Variants in TAS2R1 observed in about 807,000 individuals in gnomAD.
TAS2R1 encodes the protein taste receptor type 2 member 1.
For missense variants in TAS2R1, 370 were observed against 353.4 expected (o/e 1.05, Z -0.38); for synonymous variants, 141 against 134.2 (o/e 1.05, Z -0.35).
the TAS2R1 span, among the ~76,000 whole-genome samples, chr5:9,900,889 A>G: frequency 1.3e-5 from 2 of 152,040 alleles, no homozygotes; most frequent in African/African-American, 4.8e-5. Context: ...TCCTGCTCAA[A>G]CGGATTTAAT....
the TAS2R1 span, among the ~76,000 whole-genome samples, chr5:9,741,925 C>T: frequency 3.3e-5 from 5 of 152,188 alleles, no homozygotes; most frequent in African/African-American, 4.8e-5. Flanking sequence ...GATGGAGTTT[C>T]GCTCTTGTTG....
the TAS2R1 span, among the ~76,000 whole-genome samples, chr5:9,751,283 C>T: frequency 1.3e-5 from 2 of 151,822 alleles, no homozygotes; most frequent in African/African-American, 4.8e-5. Context: ...TCCCCCACCC[C>T]CACCAAAAGA....
chr5:9,719,194 CA>C, the TAS2R1 span, among the ~76,000 whole-genome samples: 6 of 152,032 alleles, frequency 3.9e-5, no homozygotes, highest in East Asian at 1.2e-3. Flanking sequence ...TAGGAAGGAC[CA>C]TGATACACAT....
chr5:9,877,414 A>G, the TAS2R1 span, among the ~76,000 whole-genome samples: 1 of 152,208 alleles, frequency 6.6e-6, no homozygotes, highest in African/African-American at 2.4e-5. Context: ...AAATTTTAAT[A>G]TTGCCCCTGT....
the TAS2R1 span, among the ~76,000 whole-genome samples, chr5:9,852,354 A>G: frequency 6.6e-6 from 1 of 151,438 alleles, no homozygotes; most frequent in Non-Finnish European, 1.5e-5. Context: ...ACTTATTTTC[A>G]CTCCCCAGAA....
chr5:9,843,435 A>G, the TAS2R1 span, among the ~76,000 whole-genome samples: 2 of 152,310 alleles, frequency 1.3e-5, no homozygotes, highest in Non-Finnish European at 2.9e-5. Context: ...TACCTACAGT[A>G]TAGAATATCT....
At chr5:9,838,149 C>T in the TAS2R1 span, among the ~76,000 whole-genome samples, 1 of 152,160 alleles carries the variant, frequency 6.6e-6, no homozygotes, top group Non-Finnish European at 1.5e-5. Context: ...TTTGAAAAAG[C>T]ACAGATCCCT....
chr5:9,630,883 G>A (rs900357089), upstream of TAS2R1, among the ~76,000 whole-genome samples: 3 of 152,168 alleles, frequency 2.0e-5, no homozygotes, highest in Non-Finnish European at 4.4e-5. Flanking sequence ...AGTCTGTAAT[G>A]CACTATGAAA....
the TAS2R1 span, among the ~76,000 whole-genome samples, chr5:9,770,148 CAT>C: frequency 9.9e-5 from 15 of 152,184 alleles, no homozygotes; most frequent in East Asian, 1.9e-4. Context: ...AGTTTTCCCA[CAT>C]GTTTATTGAA....
At chr5:9,656,156 C>T (rs2126492057) in intron 2 of TAS2R1, among the ~76,000 whole-genome samples, 1 of 152,236 alleles carries the variant, frequency 6.6e-6, no homozygotes, top group South Asian at 2.1e-4. Flanking sequence ...CAGTACCTGG[C>T]ACATATAGGT....
the TAS2R1 span, among the ~76,000 whole-genome samples, chr5:9,857,463 T>C: frequency 1.3e-5 from 2 of 152,162 alleles, no homozygotes; most frequent in Non-Finnish European, 1.5e-5. Context: ...GAGTAGCTAA[T>C]GGATGTGGAG....
chr5:9,816,287 T>C, the TAS2R1 span, among the ~76,000 whole-genome samples: 1 of 152,170 alleles, frequency 6.6e-6, no homozygotes, highest in African/African-American at 2.4e-5. Context: ...AAAGATATTA[T>C]ATAATGAATA....
the TAS2R1 span, among the ~76,000 whole-genome samples, chr5:9,877,465 C>T: frequency 6.6e-6 from 1 of 152,164 alleles, no homozygotes; most frequent in Non-Finnish European, 1.5e-5. Flanking sequence ...CCTCTTTCTC[C>T]CCTTCAATTC....
At chr5:9,668,620 G>A (rs1261964606) in intron 1 of TAS2R1, among the ~76,000 whole-genome samples, 2 of 152,088 alleles carry the variant, frequency 1.3e-5, no homozygotes, top group Admixed American at 1.3e-4. Flanking sequence ...CATTCTTAAA[G>A]GAGAATAATT....
chr5:9,841,685 C>T, the TAS2R1 span, among the ~76,000 whole-genome samples: 1 of 152,212 alleles, frequency 6.6e-6, no homozygotes, highest in South Asian at 2.1e-4. Context: ...CTGGTGGTGC[C>T]AACAATAAAA....
the TAS2R1 span, among the ~76,000 whole-genome samples, chr5:9,810,948 G>T: frequency 6.6e-6 from 1 of 152,126 alleles, no homozygotes; most frequent in Admixed American, 6.6e-5. Context: ...AAGACCCCCA[G>T]CTATGCCCCA....
chr5:9,687,051 G>A lies in TAS2R1; in HGVS notation c.-242+25121C>T, dbSNP rs1447622256. 2.6e-5 allele frequency among the ~76,000 whole-genome samples: 4 copies of A among 152,008 alleles called. No individual in the cohort carries two copies. The South Asian group carries it at 8.3e-4, about 32-fold the overall frequency. On this transcript the variant is annotated intron_variant, in intron 1 of 2. Transcript: ENST00000506620. ...ACAATCTCGGCTCACTGCAACCTCC[G>A]CCTCCTGGGTTCAAGCGATTCTCCT...
the TAS2R1 span, among the ~76,000 whole-genome samples, chr5:9,824,601 C>G: frequency 6.6e-6 from 1 of 152,126 alleles, no homozygotes; most frequent in African/African-American, 2.4e-5. Context: ...AATCCCAGCA[C>G]TTTGGGGGGC....
chr5:9,795,422 G>C, the TAS2R1 span, among the ~76,000 whole-genome samples: 2 of 152,060 alleles, frequency 1.3e-5, no homozygotes, highest in Non-Finnish European at 2.9e-5. Flanking sequence ...GCACATAACA[G>C]GTGTGCAACA....
Sources: allele counts gnomAD v4.1 joint callset (sites outside exome capture counted in the v4.1 genomes callset), GRCh38; gene constraint gnomAD v4.1.1; transcripts MANE v1.5; gene names NCBI Gene and HGNC (gene_info 2026-07-23, HGNC 2026-07-21).